ATP11C: variants seen among roughly 807,000 people sequenced by gnomAD.
The protein encoded by ATP11C is ATPase phospholipid transporting 11C (ATP11C blood group).
In ATP11C, 36 loss-of-function variants were observed where a neutral mutation model predicts 97.4. The observed-to-expected ratio is 0.37, with a 90% CI of 0.28 to 0.49. ATP11C has a LOEUF of 0.49. Ranked by LOEUF, ATP11C falls within the 20% of genes least tolerant of loss-of-function variation. The pLI is 0.98. For missense variants in ATP11C, 730 were observed against 824.6 expected (o/e 0.89, Z 1.40); for synonymous variants, 275 against 290.9 (o/e 0.95, Z 0.56).
At chrX:139,762,167 CTT>C in intron 21 of ATP11C, 61 bp from the exon 22 acceptor site, 1 of 894,659 alleles carries the variant, frequency 1.1e-6, no homozygotes, top group Non-Finnish European at 1.5e-6. Flanking sequence ...CCTGATTTAT[CTT>C]CACAGTTTCA....
chrX:139,773,340 T>C (rs2082290913), intron 19 of ATP11C, among the ~76,000 whole-genome samples: 1 of 110,944 alleles, frequency 9.0e-6, no homozygotes, highest in Non-Finnish European at 1.9e-5. Context: ...GATGAGTTAA[T>C]GAAGGTGGGG....
intron 23 of ATP11C, among the ~76,000 whole-genome samples, chrX:139,756,386 A>ATTAGT (rs1306455304): frequency 8.9e-6 from 1 of 112,371 alleles, no homozygotes; most frequent in Admixed American, 9.4e-5. Flanking sequence ...GAGAATGTAA[A>ATTAGT]TTAGTTTAGC....
At chrX:139,732,365 T>A in intron 28 of ATP11C, 1 of 270,573 alleles carries the variant, frequency 3.7e-6, no homozygotes, top group Non-Finnish European at 7.3e-6. Context: ...TAATTTTTCA[T>A]AAAGAATTAG....
chrX:139,930,298 C>CA (rs1295880561), intron 1 of ATP11C, among the ~76,000 whole-genome samples: 2 of 107,531 alleles, frequency 1.9e-5, no homozygotes, highest in African/African-American at 6.8e-5. Flanking sequence ...TCACTTTTCG[C>CA]AAAAGGGAAG....
At chrX:139,814,527 A>G in intron 5 of ATP11C, among the ~76,000 whole-genome samples, 1 of 112,341 alleles carries the variant, frequency 8.9e-6, no homozygotes, top group East Asian at 2.8e-4. Flanking sequence ...AATGTTATTC[A>G]GCTATCAAAA....
At chrX:139,756,980 A>C (rs868021429) in intron 23 of ATP11C, among the ~76,000 whole-genome samples, 1 of 104,386 alleles carries the variant, frequency 9.6e-6, no homozygotes, top group Non-Finnish European at 1.9e-5. Context: ...AAAAAAAAAA[A>C]AAAAAAAAAA....
At chrX:139,902,209 C>T (rs1230185799) in intron 1 of ATP11C, among the ~76,000 whole-genome samples, 2 of 111,229 alleles carry the variant, frequency 1.8e-5, no homozygotes, top group African/African-American at 6.6e-5. Flanking sequence ...CAAGTTGTCC[C>T]GCCTTTCCCA....
At chrX:139,757,687 A>C in intron 23 of ATP11C, 121 bp downstream of exon 23, 1 of 437,219 alleles carries the variant, frequency 2.3e-6, no homozygotes, top group Non-Finnish European at 3.6e-6. Context: ...TGCTGTTGTC[A>C]AAACCAAGAG....
At position 139,878,887 on chromosome X, in the gene ATP11C, G is replaced by A. The variant is rs2084519504; in HGVS notation, c.28-52064C>T. Among the ~76,000 whole-genome samples, 3 of 109,749 alleles carry A rather than the reference G, an allele frequency of 2.7e-5. No homozygotes were observed. The South Asian group carries it at 1.2e-3, about 45-fold the overall frequency. On this transcript the variant is annotated intron_variant, in intron 1 of 29. Transcript: ENST00000682941. Reference sequence around the variant, plus strand: ...TGGTACGGACAGAGACTAGGGGGAGGGGAGGGGGAATCATAGAAAGGAGAC... The same window carrying A: ...TGGTACGGACAGAGACTAGGGGGAGAGGAGGGGGAATCATAGAAAGGAGAC...
intron 21 of ATP11C, 58 bp downstream of exon 21, chrX:139,763,258 C>T: frequency 3.2e-6 from 3 of 930,346 alleles, no homozygotes; most frequent in Non-Finnish European, 4.6e-6. Context: ...TAAGACCACA[C>T]TACCTAAAAG....
At chrX:139,802,382 C>A (rs781412065) in intron 6 of ATP11C, 43 bp from the exon 7 acceptor site, 15 of 908,777 alleles carry the variant, frequency 1.7e-5, no homozygotes, top group South Asian at 2.1e-5. Flanking sequence ...AAAAAACTTT[C>A]TTTTCATAAT....
At position 139,787,183 on chromosome X, in the gene ATP11C, C is replaced by A. The variant is rs2082590966; in HGVS notation, c.1582G>T (p.Glu528Ter). 1.7e-6 allele frequency: 2 copies of A among 1,200,724 alleles called. No individual in the cohort carries two copies. The highest frequency in any genetic ancestry group is 1.8e-5 in the African/African-American group (1 of 56,979). Residue 528 changes from glutamate (E) to a stop codon, truncating the protein, a stop_gained, in exon 15 of 30, where the codon GAA becomes TAA. Coordinates refer to ENST00000682941, the MANE Select transcript of ATP11C (RefSeq NM_001353812.2). LOFTEE classifies it high-confidence loss of function. ...GYMRVENQRK[E>*]IEEYELLHTL... Reference sequence around the variant, plus strand: ...CACAGAGCTACTTACTCTTCTATTTCTTTTCTTTGGTTCTCTACTCTCATA... The same window carrying A: ...CACAGAGCTACTTACTCTTCTATTTATTTTCTTTGGTTCTCTACTCTCATA...
At chrX:139,868,418 T>C (rs1353495716) in intron 1 of ATP11C, among the ~76,000 whole-genome samples, 1 of 110,214 alleles carries the variant, frequency 9.1e-6, no homozygotes, top group African/African-American at 3.3e-5. Flanking sequence ...ATATCTAAAA[T>C]ATATAAGAAA....
intron 5 of ATP11C, among the ~76,000 whole-genome samples, chrX:139,807,687 C>A (rs976336723): frequency 8.1e-5 from 9 of 111,538 alleles, no homozygotes; most frequent in African/African-American, 2.3e-4. Context: ...TGGTGGCTCA[C>A]ATCTATATTA....
chrX:139,924,718 A>G (rs763545756), intron 1 of ATP11C, among the ~76,000 whole-genome samples: 4 of 111,300 alleles, frequency 3.6e-5, no homozygotes, highest in East Asian at 5.7e-4. Flanking sequence ...AACCCTGGGT[A>G]CTGAATCTCT....
At chrX:139,895,118 G>T (rs762543575) in intron 1 of ATP11C, among the ~76,000 whole-genome samples, 17 of 112,556 alleles carry the variant, frequency 1.5e-4, no homozygotes, top group Non-Finnish European at 2.4e-4. Flanking sequence ...AGAGATACTG[G>T]AAAGTGACAG....
intron 12 of ATP11C, among the ~76,000 whole-genome samples, chrX:139,794,698 C>T (rs776485820): frequency 5.7e-4 from 64 of 111,806 alleles, no homozygotes; most frequent in Non-Finnish European, 9.4e-4. Context: ...GACTGCATTC[C>T]CATAGGTAAT....
chrX:139,761,402 G>C (rs2082035676), intron 22 of ATP11C, among the ~76,000 whole-genome samples: 1 of 112,059 alleles, frequency 8.9e-6, no homozygotes, highest in Admixed American at 9.4e-5. Context: ...ACAGACAAAA[G>C]ACCAGCAAGG....
intron 20 of ATP11C, among the ~76,000 whole-genome samples, chrX:139,766,979 T>A (rs1489112173): frequency 9.0e-6 from 1 of 111,304 alleles, no homozygotes. Context: ...GAGCATGACA[T>A]ATGGAAGACC....
Sources: allele counts gnomAD v4.1 joint callset (sites outside exome capture counted in the v4.1 genomes callset), GRCh38; gene constraint gnomAD v4.1.1; transcripts MANE v1.5; gene names NCBI Gene and HGNC (gene_info 2026-07-23, HGNC 2026-07-21).